Variants in XRN1 observed in about 807,000 individuals in gnomAD.
The protein encoded by XRN1 is strand-exchange protein 1 homolog.
XRN1 carries 67 observed loss-of-function variants against 222.3 expected under a neutral mutation model. The observed-to-expected ratio is 0.30, with a 90% confidence interval of 0.25 to 0.37. The LOEUF is 0.37. Ranked by LOEUF, XRN1 falls within the 10% of genes least tolerant of loss-of-function variation. The probability of loss-of-function intolerance (pLI) is 1.00; values close to 1 mark genes in which losing one functional copy is unlikely to be tolerated. For synonymous variants in XRN1, 643 were observed against 652.4 expected (o/e 0.99, Z 0.22); for missense variants, 1,707 against 2,000.2 (o/e 0.85, Z 2.80).
At chr3:142,378,795 G>GA (rs1302977966) in intron 23 of XRN1, among the ~76,000 whole-genome samples, 1 of 151,816 alleles carries the variant, frequency 6.6e-6, no homozygotes, top group Non-Finnish European at 1.5e-5. Flanking sequence ...GAGAAGGGAA[G>GA]AAAAAAGATC....
intron 20 of XRN1, among the ~76,000 whole-genome samples, chr3:142,391,414 G>A (rs185390772): frequency 6.6e-6 from 1 of 152,056 alleles, no homozygotes; most frequent in Non-Finnish European, 1.5e-5. Flanking sequence ...TACTGCTTTG[G>A]GGTCAGTGTT....
chr3:142,410,956 G>A lies in XRN1; in HGVS notation c.1713+1588C>T, dbSNP rs1025734662. On this transcript the variant is annotated intron_variant, in intron 15 of 40. Coordinates refer to ENST00000392981, the MANE Select transcript of XRN1 (RefSeq NM_001282857.2). ...TTTCTTCTGTTTTCTGAAAGTTTGT[G>A]TAAGATTGGCATTATTTCTTAAATG... is the stretch of plus-strand genomic sequence containing the variant. 2.0e-5 allele frequency among the ~76,000 whole-genome samples: 3 copies of A among 152,300 alleles called. No individual in the cohort carries two copies. The East Asian group carries it at 5.8e-4, about 29-fold the overall frequency.
intron 23 of XRN1, among the ~76,000 whole-genome samples, chr3:142,378,125 G>C (rs73867030): frequency 6.6e-6 from 1 of 152,146 alleles, no homozygotes; most frequent in South Asian, 2.1e-4. Context: ...TTTTAGCTAA[G>C]TTAATTATCC....
chr3:142,425,363 A>T (rs771559268), intron 4 of XRN1, 31 bp from the exon 5 acceptor site: 1 of 1,586,716 alleles, frequency 6.3e-7, no homozygotes, highest in Non-Finnish European at 8.6e-7. Flanking sequence ...AAATGCAGTA[A>T]TATGGTATAT....
At chr3:142,325,411 T>C (rs954043949) in intron 37 of XRN1, among the ~76,000 whole-genome samples, 2 of 152,152 alleles carry the variant, frequency 1.3e-5, no homozygotes, top group African/African-American at 2.4e-5. Context: ...AAAATTTTTA[T>C]AGTTATATTT....
At chr3:142,326,635 C>T (rs2065525163) in intron 37 of XRN1, among the ~76,000 whole-genome samples, 1 of 152,016 alleles carries the variant, frequency 6.6e-6, no homozygotes, top group Non-Finnish European at 1.5e-5. Context: ...TTTCTGTTGT[C>T]TAATTGCTCT....
At chr3:142,377,106 C>T (rs1180743383) in intron 23 of XRN1, among the ~76,000 whole-genome samples, 1 of 151,646 alleles carries the variant, frequency 6.6e-6, no homozygotes, top group Non-Finnish European at 1.5e-5. Context: ...TTCTTTTCCC[C>T]TAATATTTAC....
chr3:142,417,273 G>A (rs370566819), intron 12 of XRN1, 44 bp from the exon 13 acceptor site: 14 of 1,551,882 alleles, frequency 9.0e-6, no homozygotes, highest in South Asian at 1.1e-5. Flanking sequence ...TCTGAAGACA[G>A]GCCCGTGTCT....
Position 142,421,085 on chromosome 3 carries a change from C to A in XRN1, c.1104G>T (p.Lys368Asn), listed in dbSNP as rs754113204. The change falls in exon 10 of 41, where the codon AAG (lysine) becomes AAT (asparagine). Residue 368 changes from lysine to asparagine, a missense_variant. Lys to Asn is a moderately conservative substitution (Grantham distance 94, BLOSUM62 0). This residue lies in a region of XRN1 where 1,234 missense variants were observed against 1,518.2 expected (regional missense o/e 0.81). Coordinates refer to ENST00000392981, the MANE Select transcript of XRN1 (RefSeq NM_001282857.2). ...CGACACCTGCTGCTTCATTGAGGTA[C>A]TTGTTACCAACTTTGCTTTCAAACC... ...LKWFESKVGN[K>N]YLNEAAGVAA... 1.2e-6 allele frequency: 2 copies of A among 1,614,058 alleles called. No individual in the cohort carries two copies. The highest frequency in any genetic ancestry group is 2.2e-5 in the South Asian group (2 of 91,084).
intron 25 of XRN1, among the ~76,000 whole-genome samples, chr3:142,373,318 T>A (rs919884625): frequency 3.3e-5 from 5 of 151,808 alleles, no homozygotes; most frequent in Non-Finnish European, 7.4e-5. Flanking sequence ...TATAACAATA[T>A]AGGAAATGGA....
At chr3:142,362,126 T>C (rs1027298101) in intron 29 of XRN1, among the ~76,000 whole-genome samples, 4 of 150,764 alleles carry the variant, frequency 2.7e-5, no homozygotes, top group Non-Finnish European at 5.9e-5. Context: ...CGGCCACCAT[T>C]CCTGGCTAAT....
Position 142,313,451 on chromosome 3 carries a change from T to C in XRN1, c.4622-693A>G, listed in dbSNP as rs140335384. On this transcript the variant is annotated intron_variant, in intron 39 of 40. Transcript: ENST00000392981. ...GTTTGTATTAAGCTCCATAGGCGAT[T>C]CTTATGGAGACAGCCTGTACCAGTA... 1.0e-3 allele frequency among the ~76,000 whole-genome samples: 153 copies of C among 152,236 alleles called. 1 individual carries two copies. Among genetic ancestry groups the C allele is most frequent in the African/African-American group, 3.5e-3 (144 of 41,538 alleles).
chr3:142,370,354 G>C (rs377606251), intron 27 of XRN1, 131 bp downstream of exon 27: 31 of 1,172,070 alleles, frequency 2.6e-5, no homozygotes, highest in Middle Eastern at 2.9e-4. Context: ...TTAAATTACA[G>C]GATTATTTGA....
chr3:142,432,211 A>AATTATATATATAATTT lies in XRN1; in HGVS notation c.308+449_308+450insAAATTATATATATAAT, dbSNP rs1553744932. Among the ~76,000 whole-genome samples, 197 of 100,556 alleles carry AATTATATATATAATTT rather than the reference A, an allele frequency of 2.0e-3. 4 individuals carry two copies. Among genetic ancestry groups the AATTATATATATAATTT allele is most frequent in the African/African-American group, 6.4e-3 (159 of 24,858 alleles). 66.0% of individuals were successfully genotyped at this position (100,556 alleles called of 152,430 possible). ...TATAAAATTTATTTTATATATAATT[A>AATTATATATATAATTT]ATTATATATATAATTAATTATATAT... is the stretch of plus-strand genomic sequence containing the variant. On this transcript the variant is annotated intron_variant, in intron 2 of 40. Transcript: ENST00000392981.
At chr3:142,402,548 T>C (rs1042844909) in intron 18 of XRN1, among the ~76,000 whole-genome samples, 1 of 152,196 alleles carries the variant, frequency 6.6e-6, no homozygotes, top group Non-Finnish European at 1.5e-5. Context: ...CTACTTTCTC[T>C]GTTCTCTCAA....
At chr3:142,367,047 G>T (rs970480644) in intron 27 of XRN1, among the ~76,000 whole-genome samples, 8 of 152,138 alleles carry the variant, frequency 5.3e-5, no homozygotes, top group African/African-American at 1.9e-4. Context: ...CAGCACTTTG[G>T]GAGGCCGAGG....
Position 142,310,613 on chromosome 3 carries a change from C to T in XRN1, c.*898G>A, listed in dbSNP as rs1377164973. 3.9e-5 allele frequency: 6 copies of T among 152,472 alleles called. No homozygotes were observed. The highest frequency in any genetic ancestry group is 1.2e-4 in the African/African-American group (5 of 41,426). The allele number at this position is 152,472 out of a possible 1,614,324, so 9.4% of individuals were successfully genotyped here. A position where few individuals can be genotyped will look rare whatever the true frequency, so the allele number is the denominator to read the frequency against. ...TTCAGTCCCAAGAAGCACTACATAC[C>T]GACCAACTATGAAGCTCTCATAAAA... On this transcript the variant is annotated 3_prime_UTR_variant, in exon 41 of 41. Transcript: ENST00000392981.
chr3:142,317,242 T>C (rs1246429773), intron 39 of XRN1, among the ~76,000 whole-genome samples: 1 of 152,160 alleles, frequency 6.6e-6, no homozygotes, highest in African/African-American at 2.4e-5. Context: ...TTTAGAAAAG[T>C]TTATTATTTT....
At chr3:142,412,726 A>C (rs1004853212) in intron 14 of XRN1, 63 bp from the exon 15 acceptor site, 1 of 1,262,798 alleles carries the variant, frequency 7.9e-7, no homozygotes, top group African/African-American at 1.5e-5. Context: ...GTTTTTTGTT[A>C]ATGTATTTAT....
Sources: gnomAD v4.1 joint callset for allele counts (sites outside exome capture counted in the v4.1 genomes callset) on GRCh38, gnomAD v4.1.1 for gene constraint, gnomAD v4.1.1 regional missense constraint, MANE v1.5 for transcripts, NCBI Gene and HGNC (gene_info 2026-07-23, HGNC 2026-07-21) for gene names.